ANKRD11: variants seen among roughly 807,000 people sequenced by gnomAD.
ANKRD11 encodes the protein ankyrin repeat domain 11.
ANKRD11 carries 17 observed loss-of-function variants against 195.7 expected under a neutral mutation model. That is an observed-to-expected ratio of 0.09 (90% CI 0.06 to 0.13). ANKRD11 has a LOEUF of 0.13. ANKRD11 is among the 10% of genes least tolerant of loss of function. The pLI is 1.00. For synonymous variants in ANKRD11, 1,953 were observed against 1,528.1 expected, an observed-to-expected ratio of 1.28 and a Z score of -6.49; for missense variants, 3,735 against 3,566.1, an observed-to-expected ratio of 1.05 and a Z score of -1.21.
At chr16:89,422,108 G>T (rs1256918366) in intron 1 of ANKRD11, 1 of 152,080 alleles carries the variant, frequency 6.6e-6, no homozygotes, top group Non-Finnish European at 1.5e-5. Flanking sequence ...GCCACGTTAG[G>T]GATAGGGAAA....
At position 89,477,194 on chromosome 16, in the gene ANKRD11, CT is replaced by C. The variant is rs398030125; in HGVS notation, c.-145+13050del. ...AGCCATCACCTTTAAGTCATTTCCC[CT>C]TTTTTTTTTTTTTTGGAGACAGAGT... is the stretch of plus-strand genomic sequence containing the variant. On this transcript the variant is annotated intron_variant, in intron 1 of 12. Transcript: ENST00000301030. Among the ~76,000 whole-genome samples, 1,116 of 142,256 alleles carry C rather than the reference CT, an allele frequency of 7.8e-3. 6 individuals carry two copies. Among genetic ancestry groups the C allele is most frequent in the African/African-American group, 0.02 (770 of 38,990 alleles). 93.3% of individuals were successfully genotyped at this position (142,256 alleles called of 152,430 possible).
At chr16:89,424,767 G>C (rs1597364158) in intron 1 of ANKRD11, among the ~76,000 whole-genome samples, 1 of 152,276 alleles carries the variant, frequency 6.6e-6, no homozygotes, top group South Asian at 2.1e-4. Context: ...AATGTGGCTA[G>C]AAAAGGGCAA....
At chr16:89,294,515 G>A (rs1017864444) in intron 4 of ANKRD11, among the ~76,000 whole-genome samples, 1 of 152,078 alleles carries the variant, frequency 6.6e-6, no homozygotes, top group Non-Finnish European at 1.5e-5. Context: ...CCCAAGCTCC[G>A]GAGCCCAGCA....
At chr16:89,314,214 A>G (rs2036802191) in intron 3 of ANKRD11, among the ~76,000 whole-genome samples, 1 of 152,102 alleles carries the variant, frequency 6.6e-6, no homozygotes, top group South Asian at 2.1e-4. Flanking sequence ...AGACTCTACC[A>G]CTGCACTCCA....
chr16:89,455,487 G>A (rs1439833867), intron 1 of ANKRD11, among the ~76,000 whole-genome samples: 1 of 152,132 alleles, frequency 6.6e-6, no homozygotes, highest in Non-Finnish European at 1.5e-5. Flanking sequence ...CACACCAGGT[G>A]GGGATGTCAC....
At chr16:89,328,456 C>T (rs920743473) in intron 2 of ANKRD11, among the ~76,000 whole-genome samples, 7 of 152,252 alleles carry the variant, frequency 4.6e-5, no homozygotes, top group African/African-American at 1.7e-4. Flanking sequence ...GGTGTCCCAG[C>T]GGTGTCCTCG....
intron 1 of ANKRD11, among the ~76,000 whole-genome samples, chr16:89,444,128 A>AT (rs944593183): frequency 3.3e-5 from 5 of 152,032 alleles, no homozygotes; most frequent in African/African-American, 7.2e-5. Context: ...GTAGTTAAGT[A>AT]TTTTTTTTGT....
intron 1 of ANKRD11, among the ~76,000 whole-genome samples, chr16:89,441,502 T>C (rs998139778): frequency 6.6e-6 from 1 of 151,792 alleles, no homozygotes; most frequent in South Asian, 2.1e-4. Context: ...GCGCGGTGGC[T>C]CACGCCTGTA....
At chr16:89,438,026 C>T (rs971980330) in intron 1 of ANKRD11, among the ~76,000 whole-genome samples, 16 of 152,184 alleles carry the variant, frequency 1.1e-4, no homozygotes, top group Non-Finnish European at 2.2e-4. Context: ...GACACCAACA[C>T]CAGGCAGAGT....
At chr16:89,484,054 C>T (rs1032159143) in intron 1 of ANKRD11, among the ~76,000 whole-genome samples, 1 of 152,190 alleles carries the variant, frequency 6.6e-6, no homozygotes, top group Non-Finnish European at 1.5e-5. Flanking sequence ...TACAAGCTCT[C>T]GAGACGCTCT....
At chr16:89,404,328 T>G (rs892648051) in intron 2 of ANKRD11, among the ~76,000 whole-genome samples, 26 of 152,042 alleles carry the variant, frequency 1.7e-4, no homozygotes, top group African/African-American at 5.6e-4. Context: ...CTAAGGAAAA[T>G]GGAAGTGCAG....
chr16:89,354,439 G>T (rs184891877), intron 2 of ANKRD11, among the ~76,000 whole-genome samples: 1 of 152,178 alleles, frequency 6.6e-6, no homozygotes, highest in Non-Finnish European at 1.5e-5. Context: ...CTATGCCAGC[G>T]CAGTGCAGAG....
At chr16:89,381,414 A>G (rs1313937100) in intron 2 of ANKRD11, among the ~76,000 whole-genome samples, 2 of 151,882 alleles carry the variant, frequency 1.3e-5, no homozygotes, top group African/African-American at 4.8e-5. Context: ...AGAAACTCCC[A>G]GACACCAACA....
Position 89,305,194 on chromosome 16 carries a change from G to A in ANKRD11, c.226+12C>T, listed in dbSNP as rs370554112. ...TGGAGGGCTGACTGCAGGAGGGGCC[G>A]CGGGCTGGTACCTGTGTCCGAGTCC... On this transcript the variant is annotated intron_variant, in intron 4 of 12. Transcript: ENST00000301030. 9.1e-5 allele frequency: 147 copies of A among 1,609,892 alleles called. 1 individual carries two copies. Among genetic ancestry groups the A allele is most frequent in the Admixed American group, 2.5e-4 (15 of 59,974 alleles).
At chr16:89,333,896 T>G (rs1307671476) in intron 2 of ANKRD11, among the ~76,000 whole-genome samples, 2 of 152,108 alleles carry the variant, frequency 1.3e-5, no homozygotes, top group African/African-American at 2.4e-5. Context: ...GCGTGTGTTG[T>G]GAACAGAGAG....
intron 3 of ANKRD11, among the ~76,000 whole-genome samples, chr16:89,309,998 G>A (rs2151894563): frequency 6.6e-6 from 1 of 152,272 alleles, no homozygotes; most frequent in African/African-American, 2.4e-5. Flanking sequence ...ATCACATCAC[G>A]ACTTCCACTC....
intron 2 of ANKRD11, chr16:89,403,701 A>G (rs1405753217): frequency 6.6e-6 from 1 of 152,232 alleles, no homozygotes. Flanking sequence ...AGGCTGAGGC[A>G]GGAAGATGAC....
intron 2 of ANKRD11, among the ~76,000 whole-genome samples, chr16:89,382,012 G>A (rs911330932): frequency 9.9e-5 from 15 of 152,140 alleles, no homozygotes; most frequent in Admixed American, 4.6e-4. Context: ...TTTACAAACC[G>A]TGCAAGCAGC....
At chr16:89,441,329 C>A (rs746270909) in intron 1 of ANKRD11, among the ~76,000 whole-genome samples, 3 of 152,158 alleles carry the variant, frequency 2.0e-5, no homozygotes, top group East Asian at 3.8e-4. Context: ...GAAGAGACTA[C>A]AGAACTTCTC....
Sources: gnomAD v4.1 joint callset for allele counts (sites outside exome capture counted in the v4.1 genomes callset) on GRCh38, gnomAD v4.1.1 for gene constraint, MANE v1.5 for transcripts, NCBI Gene and HGNC (gene_info 2026-07-23, HGNC 2026-07-21) for gene names.